Variants in DTD1 observed in about 807,000 individuals in gnomAD.
The protein encoded by DTD1 is D-aminoacyl-tRNA deacylase 1, also known as D-tyrosyl-tRNA deacylase 1 homolog.
A neutral mutation model predicts 25.6 loss-of-function variants in DTD1; 13 were observed. The observed-to-expected ratio is 0.51, with a 90% CI of 0.33 to 0.81. The LOEUF is 0.81. Ranked by LOEUF, DTD1 falls within the 30% of genes least tolerant of loss-of-function variation. The pLI, the probability that DTD1 is intolerant of heterozygous loss-of-function variation, is 0.02. For missense variants in DTD1, 193 were observed against 266.4 expected (o/e 0.72, Z 1.92); for synonymous variants, 110 against 103.6 (o/e 1.06, Z -0.37).
At chr20:18,682,200 A>G (rs2061000744) in intron 4 of DTD1, among the ~76,000 whole-genome samples, 1 of 152,224 alleles carries the variant, frequency 6.6e-6, no homozygotes, top group South Asian at 2.1e-4. Context: ...CCAGCCCCTC[A>G]TATGCTCATC....
At chr20:18,747,890 G>A (rs1388065327) in intron 5 of DTD1, among the ~76,000 whole-genome samples, 3 of 151,746 alleles carry the variant, frequency 2.0e-5, no homozygotes, top group Non-Finnish European at 4.4e-5. Context: ...ATGGTGATGC[G>A]CACCTGTAGT....
intron 4 of DTD1, among the ~76,000 whole-genome samples, chr20:18,726,474 A>G (rs141528438): frequency 7.9e-4 from 121 of 152,234 alleles, no homozygotes; most frequent in African/African-American, 2.8e-3. Context: ...TTTTTTTCCT[A>G]CCAGGTTACT....
At chr20:18,597,430 TAA>T (rs941557953) in intron 3 of DTD1, among the ~76,000 whole-genome samples, 26 of 152,196 alleles carry the variant, frequency 1.7e-4, no homozygotes, top group Admixed American at 1.3e-4. Context: ...TTTTTTTAGT[TAA>T]GAGTTGTGCA....
chr20:18,677,201 G>A (rs2060979683), intron 4 of DTD1, among the ~76,000 whole-genome samples: 1 of 152,034 alleles, frequency 6.6e-6, no homozygotes, highest in African/African-American at 2.4e-5. Flanking sequence ...GAAATGGTTT[G>A]AGTTTTCACT....
chr20:18,599,061 A>G (rs1216712189), intron 3 of DTD1, among the ~76,000 whole-genome samples: 5 of 152,138 alleles, frequency 3.3e-5, no homozygotes, highest in Non-Finnish European at 7.3e-5. Flanking sequence ...ATAATGTTCT[A>G]TAGTCTGGAG....
intron 4 of DTD1, among the ~76,000 whole-genome samples, chr20:18,635,072 G>A (rs745432549): frequency 2.6e-5 from 4 of 152,160 alleles, no homozygotes; most frequent in Non-Finnish European, 4.4e-5. Flanking sequence ...CTCCCTAATT[G>A]TGGTTGGTTT....
intron 4 of DTD1, among the ~76,000 whole-genome samples, chr20:18,708,265 T>TATATACAA (rs1568676854): frequency 3.6e-4 from 5 of 13,840 alleles, no homozygotes; most frequent in Non-Finnish European, 6.3e-4. Context: ...TATATATATT[T>TATATACAA]TATATATATA....
chr20:18,754,287 G>A (rs780457025), intron 5 of DTD1, among the ~76,000 whole-genome samples: 4 of 152,158 alleles, frequency 2.6e-5, no homozygotes, highest in African/African-American at 4.8e-5. Flanking sequence ...ACTGTCCCTC[G>A]TGGTTGACGG....
chr20:18,657,408 C>T (rs1336456063), intron 4 of DTD1, among the ~76,000 whole-genome samples: 1 of 152,172 alleles, frequency 6.6e-6, no homozygotes, highest in Non-Finnish European at 1.5e-5. Context: ...ATTTTGGAGA[C>T]TTTGGAGATA....
At chr20:18,753,672 A>G (rs1270930612) in intron 5 of DTD1, among the ~76,000 whole-genome samples, 1 of 151,702 alleles carries the variant, frequency 6.6e-6, no homozygotes, top group African/African-American at 2.4e-5. Flanking sequence ...AATAGATGGG[A>G]GAATAAGTTA....
chr20:18,648,368 G>A (rs552184411), intron 4 of DTD1, among the ~76,000 whole-genome samples: 95 of 152,300 alleles, frequency 6.2e-4, no homozygotes, highest in Middle Eastern at 3.4e-3. Flanking sequence ...CTGGGGATGG[G>A]ACCAGAGATG....
At chr20:18,616,831 T>C (rs1269363234) in intron 3 of DTD1, among the ~76,000 whole-genome samples, 1 of 152,016 alleles carries the variant, frequency 6.6e-6, no homozygotes, top group East Asian at 1.9e-4. Flanking sequence ...AAAAAAGCAG[T>C]GTCAGTGGTA....
At chr20:18,599,063 A>G (rs1487644152) in intron 3 of DTD1, among the ~76,000 whole-genome samples, 1 of 152,154 alleles carries the variant, frequency 6.6e-6, no homozygotes, top group Non-Finnish European at 1.5e-5. Context: ...AATGTTCTAT[A>G]GTCTGGAGAT....
At position 18,636,630 on chromosome 20, in the gene DTD1, G is replaced by A. The variant is rs1016444426; in HGVS notation, c.477+8397G>A. On this transcript the variant is annotated intron_variant, in intron 4 of 5. Transcript: ENST00000377452. ...GAGAAGGTTAGGATGGGTCAGTGGG[G>A]TGTGAGTTGGATCAAGTAGACTCTT... 3.9e-5 allele frequency among the ~76,000 whole-genome samples: 6 copies of A among 152,178 alleles called. No individual in the cohort carries two copies. In the East Asian group the frequency reaches 7.7e-4, roughly 19 times the overall value.
chr20:18,695,897 T>G (rs1311089721), intron 4 of DTD1, among the ~76,000 whole-genome samples: 1 of 151,970 alleles, frequency 6.6e-6, no homozygotes, highest in Non-Finnish European at 1.5e-5. Context: ...AAGCTGGCCA[T>G]GGATTCCTGG....
At chr20:18,654,569 G>A (rs556721534) in intron 4 of DTD1, among the ~76,000 whole-genome samples, 1 of 152,256 alleles carries the variant, frequency 6.6e-6, no homozygotes, top group Admixed American at 6.5e-5. Flanking sequence ...GGGTTTACAG[G>A]TCTATCTGTG....
At chr20:18,712,391 G>A (rs1225096853) in intron 4 of DTD1, among the ~76,000 whole-genome samples, 3 of 149,130 alleles carry the variant, frequency 2.0e-5, no homozygotes, top group African/African-American at 7.4e-5. Context: ...TGTGTGTGTT[G>A]TGGGGGTGGG....
chr20:18,760,557 G>T (rs2061357431), intron 5 of DTD1, among the ~76,000 whole-genome samples: 1 of 152,156 alleles, frequency 6.6e-6, no homozygotes, highest in Non-Finnish European at 1.5e-5. Flanking sequence ...GTGGATATTG[G>T]TGAACAGCAA....
In DTD1 at chr20:18,603,665, T is replaced by C. The variant is rs1308299037; in HGVS notation, c.370+7424T>C. ...ACATGGAAACTGAACAACCTGCTCCTGAGTGACTACCGGGTACATAACGAA... is the reference window on the plus strand; with the variant it reads ...ACATGGAAACTGAACAACCTGCTCCCGAGTGACTACCGGGTACATAACGAA... On this transcript the variant is annotated intron_variant, in intron 3 of 5. Coordinates refer to ENST00000377452, the MANE Select transcript of DTD1 (RefSeq NM_080820.6). 2.6e-5 allele frequency among the ~76,000 whole-genome samples: 3 copies of C among 116,050 alleles called. No individual in the cohort carries two copies. The South Asian group carries it at 7.9e-4, about 30-fold the overall frequency. 76.1% of individuals were successfully genotyped at this position (116,050 alleles called of 152,430 possible). A position where few individuals can be genotyped will look rare whatever the true frequency, so the allele number is the denominator to read the frequency against.
Sources: gnomAD v4.1 joint callset for allele counts (sites outside exome capture counted in the v4.1 genomes callset) on GRCh38, gnomAD v4.1.1 for gene constraint, MANE v1.5 for transcripts, NCBI Gene and HGNC (gene_info 2026-07-23, HGNC 2026-07-21) for gene names.